Variants in CEP104 observed in about 807,000 individuals in gnomAD.
CEP104 encodes centrosomal protein of 104 kDa.
Under a neutral mutation model 113.3 loss-of-function variants are expected in CEP104, and 84 were observed. That is an observed-to-expected ratio of 0.74 (90% CI 0.62 to 0.89). CEP104 has a LOEUF of 0.89. Among genes scored for constraint, CEP104 ranks in the 40% least tolerant of loss-of-function variants. CEP104 has a pLI of 0.00. For missense variants in CEP104, 1,053 were observed against 1,156.6 expected, an observed-to-expected ratio of 0.91 and a Z score of 1.30; for synonymous variants, 378 against 421.7, an observed-to-expected ratio of 0.90 and a Z score of 1.27.
intron 1 of CEP104, 33 bp downstream of exon 1, chr1:3,856,856 C>A (rs1644745070): frequency 6.6e-6 from 1 of 151,594 alleles, no homozygotes; most frequent in South Asian, 2.0e-4. Context: ...CCACTCCGGC[C>A]CTGGGCCGGC....
At position 3,848,734 on chromosome 1, in the gene CEP104, C is replaced by G. The variant is rs780789181; in HGVS notation, c.161G>C (p.Cys54Ser). The G allele has an allele frequency of 1.9e-5, 31 of 1,612,718 alleles. No individual in the cohort carries two copies. Among genetic ancestry groups the G allele is most frequent in the Middle Eastern group, 1.7e-4 (1 of 6,060 alleles). Residue 54 changes from cysteine to serine, a missense_variant, in exon 3 of 22, where the codon TGT (cysteine) becomes TCT (serine). Transcript: ENST00000378230. ...QEIVLQMVER[C>S]RIRKLQLLAH... is the part of the protein sequence containing the mutation. Reference sequence around the variant, plus strand: ...AAGTAACTGCAGTTTCCTTATTCGACATCTCTCCACCATTTGAAGGACAAT... The same window carrying G: ...AAGTAACTGCAGTTTCCTTATTCGAGATCTCTCCACCATTTGAAGGACAAT...
At chr1:3,815,566 G>A (rs759751517) in intron 21 of CEP104, 49 bp from the exon 22 acceptor site, 14 of 1,353,888 alleles carry the variant, frequency 1.0e-5, no homozygotes, top group East Asian at 2.4e-5. Context: ...TCCTACCCAC[G>A]GACCAGGTGC....
At chr1:3,830,604 T>A (rs552535483) in intron 13 of CEP104, among the ~76,000 whole-genome samples, 1 of 151,922 alleles carries the variant, frequency 6.6e-6, no homozygotes, top group East Asian at 1.9e-4. Context: ...AAACCCCGTC[T>A]CTACTAAAAT....
At chr1:3,840,833 C>T (rs1220873739) in intron 6 of CEP104, among the ~76,000 whole-genome samples, 7 of 152,214 alleles carry the variant, frequency 4.6e-5, no homozygotes, top group African/African-American at 1.7e-4. Context: ...AGCCACTGCA[C>T]CCAGCCAGCA....
intron 9 of CEP104, chr1:3,837,025 T>C (rs1057505443): frequency 1.9e-6 from 1 of 521,914 alleles, no homozygotes; most frequent in Admixed American, 3.5e-5. Flanking sequence ...TCTTTTTTTC[T>C]GACAAGATCT....
intron 9 of CEP104, 106 bp downstream of exon 9, chr1:3,837,186 G>T: frequency 1.1e-6 from 1 of 885,026 alleles, no homozygotes; most frequent in Non-Finnish European, 1.8e-6. Flanking sequence ...GGGTCTGGCT[G>T]GGGAGCACTC....
At chr1:3,844,814 G>A (rs1644477446) in intron 6 of CEP104, 93 bp downstream of exon 6, 1 of 1,008,634 alleles carries the variant, frequency 9.9e-7, no homozygotes, top group Admixed American at 1.9e-5. Context: ...TGAATTTAGA[G>A]GCTCTAAGTC....
intron 8 of CEP104, 132 bp downstream of exon 8, chr1:3,838,832 A>T: frequency 1.0e-6 from 1 of 965,516 alleles, no homozygotes; most frequent in Non-Finnish European, 1.6e-6. Context: ...GAGGCCATCC[A>T]TAACTGTCCC....
intron 6 of CEP104, among the ~76,000 whole-genome samples, chr1:3,842,448 G>A (rs1426942090): frequency 6.6e-6 from 1 of 152,194 alleles, no homozygotes; most frequent in Non-Finnish European, 1.5e-5. Flanking sequence ...ACTCACAAGT[G>A]CCTGTGACAG....
rs1425738460 is a variant in CEP104 at position 3,852,347 on chromosome 1, C to T, written c.61G>A (p.Ala21Thr). 6.2e-7 allele frequency: 1 copy of T among 1,614,092 alleles called. No homozygotes were observed. The highest frequency in any genetic ancestry group is 8.5e-7 in the Non-Finnish European group (1 of 1,180,024). The change falls in exon 2 of 22, where the codon GCC becomes ACC. Residue 21 changes from alanine to threonine, a missense_variant. Coordinates refer to ENST00000378230, the MANE Select transcript of CEP104 (RefSeq NM_014704.4). ...GGCGCGTGGATCATGAGCTCCCGGG[C>T]ACTGAAGCCGTCTTCGTGTCCAGAT... ...SSSGHEDGFS[A>T]RELMIHAPTV...
In CEP104 at chr1:3,816,283, G is replaced by A. The variant is rs1279900903; in HGVS notation, c.2659C>T (p.Pro887Ser). The change falls in exon 21 of 22, where the codon CCA becomes TCA. Residue 887 changes from proline to serine, a missense_variant. Coordinates refer to ENST00000378230, the MANE Select transcript of CEP104 (RefSeq NM_014704.4). ...HILQKAPALQ[P>S]GKSSAVAASG... Reference sequence around the variant, plus strand: ...GCTCAGCGGCGCTGTCCCTCACCTGGCTGCAGTGCCGGGGCCTTCTGCAGA... The same window carrying A: ...GCTCAGCGGCGCTGTCCCTCACCTGACTGCAGTGCCGGGGCCTTCTGCAGA... The A allele has an allele frequency of 6.4e-7, 1 of 1,551,788 alleles. No homozygotes were observed. The highest frequency in any genetic ancestry group is 1.4e-5 in the African/African-American group (1 of 73,228).
intron 12 of CEP104, among the ~76,000 whole-genome samples, chr1:3,832,650 G>T (rs1035024598): frequency 1.3e-5 from 2 of 152,146 alleles, no homozygotes. Flanking sequence ...AATGAAACTA[G>T]ATCTGTGGTT....
intron 7 of CEP104, 51 bp from the exon 8 acceptor site, chr1:3,839,170 C>T: frequency 6.6e-7 from 1 of 1,512,128 alleles, no homozygotes; most frequent in Admixed American, 1.7e-5. Context: ...CAACTCACAT[C>T]AAATGCAAAG....
intron 11 of CEP104, among the ~76,000 whole-genome samples, chr1:3,834,320 CCGAG>C (rs1644271229): frequency 6.6e-6 from 1 of 151,326 alleles, no homozygotes; most frequent in African/African-American, 2.4e-5. Flanking sequence ...TCCCTTCATA[CCGAG>C]TATCTAACAT....
chr1:3,822,836 T>C (rs755381322), intron 20 of CEP104: 16 of 236,670 alleles, frequency 6.8e-5, no homozygotes, highest in Non-Finnish European at 1.1e-4. Context: ...TTACAGAATC[T>C]GGGCAAGATG....
At chr1:3,835,417 C>A (rs951924645) in intron 10 of CEP104, among the ~76,000 whole-genome samples, 1 of 152,192 alleles carries the variant, frequency 6.6e-6, no homozygotes, top group African/African-American at 2.4e-5. Context: ...ACTCTGTCGC[C>A]CAGGCTGGAG....
At chr1:3,847,333 G>C in intron 4 of CEP104, 142 bp downstream of exon 4, 1 of 872,922 alleles carries the variant, frequency 1.1e-6, no homozygotes, top group Non-Finnish European at 1.7e-6. Context: ...AGACAGCACA[G>C]CTCAGAGAGC....
intron 14 of CEP104, 143 bp downstream of exon 14, chr1:3,829,647 AC>A: frequency 1.2e-6 from 1 of 862,138 alleles, no homozygotes; most frequent in South Asian, 1.6e-5. Flanking sequence ...GAATGCGGGA[AC>A]CTGTGTTCTT....
intron 1 of CEP104, among the ~76,000 whole-genome samples, chr1:3,855,609 G>C (rs373588224): frequency 3.3e-5 from 5 of 152,120 alleles, no homozygotes; most frequent in Non-Finnish European, 7.4e-5. Context: ...TTAAGAACCA[G>C]CTAAGAGAAA....
Sources: gnomAD v4.1 joint callset for allele counts (sites outside exome capture counted in the v4.1 genomes callset) on GRCh38, gnomAD v4.1.1 for gene constraint, MANE v1.5 for transcripts, NCBI Gene and HGNC (gene_info 2026-07-23, HGNC 2026-07-21) for gene names.